ANO3: variants seen among roughly 807,000 people sequenced by gnomAD.
The protein encoded by ANO3 is anoctamin 3.
In ANO3, 99 loss-of-function variants were observed where a neutral mutation model predicts 144.8. The ratio of observed to expected loss-of-function variants is 0.68; its 90% CI spans 0.58 to 0.81. The LOEUF (loss-of-function observed/expected upper bound fraction) is 0.81, where lower values mean the gene tolerates loss of function less well. Among genes scored for constraint, ANO3 ranks in the 30% least tolerant of loss-of-function variants. The pLI is 0.00. For synonymous variants in ANO3, 414 were observed against 392.6 expected, an observed-to-expected ratio of 1.05 and a Z score of -0.64; for missense variants, 905 against 1,202.2, an observed-to-expected ratio of 0.75 and a Z score of 3.66.
chr11:26,262,739 C>CACACAG (rs1177111571), intron 1 of ANO3, among the ~76,000 whole-genome samples: 1 of 148,696 alleles, frequency 6.7e-6, no homozygotes, highest in African/African-American at 2.5e-5. Flanking sequence ...CACACACACA[C>CACACAG]AGAGAGAGAG....
chr11:26,377,248 T>C (rs1237581316), intron 1 of ANO3, among the ~76,000 whole-genome samples: 5 of 152,170 alleles, frequency 3.3e-5, no homozygotes, highest in African/African-American at 4.8e-5. Context: ...TGAACATGCA[T>C]TGGCAAAACT....
intron 18 of ANO3, among the ~76,000 whole-genome samples, chr11:26,627,724 T>C (rs117010305): frequency 0.017 from 2,515 of 152,220 alleles, 64 homozygotes; most frequent in Non-Finnish European, 0.017. Flanking sequence ...AGTGATGATT[T>C]ATGTCTGTTG....
chr11:26,602,080 CT>C (rs1851813470), intron 17 of ANO3, among the ~76,000 whole-genome samples: 2 of 152,172 alleles, frequency 1.3e-5, no homozygotes, highest in South Asian at 4.2e-4. Context: ...GATCAGAAGA[CT>C]TGAATGGAAG....
chr11:26,322,522 T>G (rs532814162), intron 1 of ANO3, among the ~76,000 whole-genome samples: 1 of 152,292 alleles, frequency 6.6e-6, no homozygotes, highest in South Asian at 2.1e-4. Context: ...CAGACTTTCC[T>G]GCTTTTTGAT....
chr11:26,204,465 A>G (rs1048176552), intron 1 of ANO3, among the ~76,000 whole-genome samples: 1 of 152,110 alleles, frequency 6.6e-6, no homozygotes, highest in South Asian at 2.1e-4. Context: ...GTAGGCGTGG[A>G]TATCTATGCT....
At chr11:26,371,791 A>T (rs1050547930) in intron 1 of ANO3, among the ~76,000 whole-genome samples, 1 of 152,028 alleles carries the variant, frequency 6.6e-6, no homozygotes. Context: ...GTTTTGGCCA[A>T]TTTCTCTCAT....
At chr11:26,325,868 A>G (rs534813876) in intron 1 of ANO3, among the ~76,000 whole-genome samples, 2 of 152,316 alleles carry the variant, frequency 1.3e-5, no homozygotes, top group East Asian at 3.9e-4. Context: ...AGATGGAACG[A>G]CCGTTAGAGA....
chr11:26,504,270 G>T (rs1861322994), intron 4 of ANO3, among the ~76,000 whole-genome samples: 1 of 9,928 alleles, frequency 1.0e-4, no homozygotes, highest in African/African-American at 1.1e-4. Flanking sequence ...ATGACCACAT[G>T]ATTTTTTTTA....
chr11:26,190,873 C>T lies in ANO3; in HGVS notation c.154+1543C>T, dbSNP rs11029374. ...CAGTTGAAATCCCTTGAAATGCTTC[C>T]TCCTTTTTGCTTCCATATTTTTCTA... On this transcript the variant is annotated intron_variant, in intron 1 of 27. Coordinates refer to the ANO3 transcript ENST00000672621. Among the ~76,000 whole-genome samples, 179 of 152,262 alleles carry T rather than the reference C, an allele frequency of 1.2e-3. 4 individuals are homozygous for T. In the East Asian group the frequency reaches 0.034, roughly 29 times the overall value.
intron 10 of ANO3, 105 bp downstream of exon 10, chr11:26,537,566 A>C (rs1452025247): frequency 2.1e-6 from 2 of 964,826 alleles, no homozygotes; most frequent in Non-Finnish European, 3.4e-6. Flanking sequence ...AGGAGGATTC[A>C]GTCTGCAAGT....
intron 1 of ANO3, among the ~76,000 whole-genome samples, chr11:26,214,021 G>A (rs1480879464): frequency 2.6e-5 from 4 of 151,912 alleles, no homozygotes; most frequent in East Asian, 1.9e-4. Flanking sequence ...AATCTAGAAT[G>A]TATTTGTATG....
chr11:26,415,262 T>TA (rs1447184325), intron 1 of ANO3, among the ~76,000 whole-genome samples: 1 of 152,076 alleles, frequency 6.6e-6, no homozygotes, highest in Non-Finnish European at 1.5e-5. Flanking sequence ...TGTGTTCTTC[T>TA]AAAAACGAGA....
intron 1 of ANO3, among the ~76,000 whole-genome samples, chr11:26,254,163 AGTACTT>A (rs1212753132): frequency 6.6e-6 from 1 of 152,130 alleles, no homozygotes; most frequent in African/African-American, 2.4e-5. Context: ...GTGACTTACG[AGTACTT>A]GTAGCATTTC....
rs1156266588 is a variant in ANO3 at position 26,661,371 on chromosome 11, C to T, written c.*927C>T. The T allele has an allele frequency of 6.6e-6, 1 of 152,312 alleles. No individual in the cohort carries two copies. Among genetic ancestry groups the T allele is most frequent in the African/African-American group, 2.4e-5 (1 of 41,336 alleles). 9.4% of individuals were successfully genotyped at this position (152,312 alleles called of 1,614,324 possible). A position where few individuals can be genotyped will look rare whatever the true frequency, so the allele number is the denominator to read the frequency against. Reference sequence around the variant, plus strand: ...TGTAAATACGTTGGTTTTCCTTGTCCCTTTGCACCTTGACAGTACGTAGTA... The same window carrying T: ...TGTAAATACGTTGGTTTTCCTTGTCTCTTTGCACCTTGACAGTACGTAGTA... On this transcript the variant is annotated 3_prime_UTR_variant, in exon 27 of 27. Transcript: ENST00000256737.
intron 3 of ANO3, 21 bp downstream of exon 3, chr11:26,443,857 T>C (rs1401100767): frequency 6.5e-7 from 1 of 1,531,828 alleles, no homozygotes; most frequent in African/African-American, 1.4e-5. Context: ...AATCAGTATT[T>C]ACCTACTCCT....
At chr11:26,440,802 C>T (rs1858483341) in intron 1 of ANO3, among the ~76,000 whole-genome samples, 1 of 151,990 alleles carries the variant, frequency 6.6e-6, no homozygotes, top group South Asian at 2.1e-4. Flanking sequence ...TATGTGAGTT[C>T]CCAGGGACAT....
intron 1 of ANO3, among the ~76,000 whole-genome samples, chr11:26,317,642 G>A (rs185421017): frequency 1.7e-4 from 26 of 152,262 alleles, no homozygotes; most frequent in African/African-American, 5.8e-4. Context: ...AAATAGGAAC[G>A]CTTTTACACT....
At chr11:26,271,527 C>T (rs1324365553) in intron 1 of ANO3, among the ~76,000 whole-genome samples, 3 of 152,078 alleles carry the variant, frequency 2.0e-5, no homozygotes, top group African/African-American at 7.2e-5. Flanking sequence ...AACTGTGATG[C>T]TTTAGTATTT....
intron 1 of ANO3, chr11:26,285,675 G>A (rs1480561502): frequency 6.6e-6 from 1 of 152,164 alleles, no homozygotes; most frequent in South Asian, 2.1e-4. Flanking sequence ...GGCACCACTT[G>A]CTGTGCTAAT....
Sources: gnomAD v4.1 joint callset for allele counts (sites outside exome capture counted in the v4.1 genomes callset) on GRCh38, gnomAD v4.1.1 for gene constraint, MANE v1.5 for transcripts, NCBI Gene and HGNC (gene_info 2026-07-23, HGNC 2026-07-21) for gene names.